SPATA31F1: variants seen among roughly 807,000 people sequenced by gnomAD.
The protein encoded by SPATA31F1 is protein SPATA31F1.
At chr9:34,727,114 C>G in the SPATA31F1 span, 6 of 1,426,528 alleles carry the variant, frequency 4.2e-6, no homozygotes, top group South Asian at 9.1e-5. Context: ...ATCTTGTTGT[C>G]TACCTGTCTG....
chr9:34,726,815 A>C, the SPATA31F1 span: 2 of 1,551,788 alleles, frequency 1.3e-6, no homozygotes, highest in South Asian at 2.4e-5. Flanking sequence ...AGACGTAGAC[A>C]GCATCTCTAG....
At chr9:34,724,154 G>C in the SPATA31F1 span, 6 of 1,550,416 alleles carry the variant, frequency 3.9e-6, no homozygotes, top group Non-Finnish European at 5.2e-6. Context: ...AGGGCTTTGA[G>C]GCTCAGGGCC....
the SPATA31F1 span, chr9:34,726,482 T>G: frequency 2.6e-6 from 4 of 1,551,618 alleles, no homozygotes; most frequent in South Asian, 4.8e-5. Context: ...GGAATTCAAG[T>G]GATGCTGGCC....
the SPATA31F1 span, chr9:34,723,342 G>A: frequency 6.1e-3 from 9,395 of 1,551,694 alleles, 35 homozygotes; most frequent in Non-Finnish European, 7.4e-3. Flanking sequence ...GAGTGTAGCC[G>A]GAGCTTATCG....
chr9:34,729,466 A>G, the SPATA31F1 span: 1 of 1,524,836 alleles, frequency 6.6e-7, no homozygotes, highest in African/African-American at 1.4e-5. Context: ...CCATCCCTCT[A>G]TCTCGGAATT....
chr9:34,728,637 C>T, the SPATA31F1 span: 3 of 1,551,324 alleles, frequency 1.9e-6, no homozygotes, highest in African/African-American at 1.4e-5. Flanking sequence ...TAGCTCTTTG[C>T]CTGACTTTTT....
chr9:34,728,141 G>A, the SPATA31F1 span: 14 of 1,482,062 alleles, frequency 9.4e-6, no homozygotes, highest in Non-Finnish European at 1.3e-5. Flanking sequence ...CATCCTATAG[G>A]AAGCTGAATA....
the SPATA31F1 span, chr9:34,724,684 A>G: frequency 3.9e-6 from 6 of 1,546,680 alleles, no homozygotes; most frequent in Non-Finnish European, 5.3e-6. Flanking sequence ...ACTCTTTTGC[A>G]ACGTCTGTAC....
the SPATA31F1 span, chr9:34,724,947 A>G: frequency 2.6e-6 from 4 of 1,551,572 alleles, no homozygotes; most frequent in Non-Finnish European, 3.5e-6. Context: ...TCCACAGACA[A>G]GACTCGGAGC....
the SPATA31F1 span, chr9:34,725,704 T>A: frequency 1.3e-6 from 2 of 1,541,180 alleles, no homozygotes; most frequent in Non-Finnish European, 1.8e-6. Flanking sequence ...GAGTCAGAAA[T>A]GGGACATTGA....
chr9:34,724,360 G>A, the SPATA31F1 span: 2 of 1,551,016 alleles, frequency 1.3e-6, no homozygotes, highest in Non-Finnish European at 1.7e-6. Context: ...GTTCTTTAAG[G>A]TGAACCCCTT....
chr9:34,723,900 G>T, the SPATA31F1 span: 1 of 1,551,660 alleles, frequency 6.4e-7, no homozygotes, highest in Non-Finnish European at 8.7e-7. Context: ...GGGTGATGCT[G>T]GGGGCTGTGT....
the SPATA31F1 span, among the ~76,000 whole-genome samples, chr9:34,728,283 G>A: frequency 6.6e-6 from 1 of 152,202 alleles, no homozygotes; most frequent in Non-Finnish European, 1.5e-5. Context: ...CAACCACAAT[G>A]TGATTGAGGC....
chr9:34,727,728 A>T, the SPATA31F1 span, among the ~76,000 whole-genome samples: 1 of 152,242 alleles, frequency 6.6e-6, no homozygotes, highest in Non-Finnish European at 1.5e-5. Context: ...TGGGTAACTT[A>T]TCTCATGGCT....
the SPATA31F1 span, chr9:34,723,336 G>A: frequency 2.6e-6 from 4 of 1,551,742 alleles, no homozygotes; most frequent in Non-Finnish European, 2.6e-6. Context: ...TGTCTGGAGT[G>A]TAGCCGGAGC....
At chr9:34,723,843 C>G in the SPATA31F1 span, 8 of 1,551,718 alleles carry the variant, frequency 5.2e-6, no homozygotes, top group African/African-American at 9.6e-5. Flanking sequence ...TTCTCAGACT[C>G]TTTCTCCCCA....
chr9:34,729,165 C>T, the SPATA31F1 span: 1 of 1,225,562 alleles, frequency 8.2e-7, no homozygotes, highest in South Asian at 1.7e-5. Flanking sequence ...AAGTATTACA[C>T]AAAGGTAACT....
chr9:34,723,936 T>C, the SPATA31F1 span: 19 of 1,551,518 alleles, frequency 1.2e-5, no homozygotes, highest in Non-Finnish European at 1.7e-5. Context: ...AGATGAAAGC[T>C]ACGGCTCCAT....
At chr9:34,726,532 C>T in the SPATA31F1 span, 1 of 1,551,812 alleles carries the variant, frequency 6.4e-7, no homozygotes, top group East Asian at 2.4e-5. Context: ...TCTGCGTCAT[C>T]TCCTCCTGGT....
Sources: gnomAD v4.1 joint callset for allele counts (sites outside exome capture counted in the v4.1 genomes callset) on GRCh38, gnomAD v4.1.1 for gene constraint, MANE v1.5 for transcripts, NCBI Gene and HGNC (gene_info 2026-07-23, HGNC 2026-07-21) for gene names.